Variants in PTPRJ observed in about 807,000 individuals in gnomAD.
The protein encoded by PTPRJ is receptor-type tyrosine-protein phosphatase eta.
In PTPRJ, 129 loss-of-function variants were observed where a neutral mutation model predicts 141.3. The ratio of observed to expected loss-of-function variants is 0.91; its 90% CI spans 0.79 to 1.06. PTPRJ has a LOEUF of 1.06. PTPRJ is among the 50% of genes least tolerant of loss of function. The pLI is 0.00. For missense variants in PTPRJ, 1,601 were observed against 1,679.7 expected (o/e 0.95, Z 0.82); for synonymous variants, 610 against 640.5 (o/e 0.95, Z 0.72).
chr11:48,110,138 G>T (rs370029606), intron 2 of PTPRJ, 62 bp downstream of exon 2: 46 of 1,505,270 alleles, frequency 3.1e-5, no homozygotes, highest in Non-Finnish European at 3.9e-5. Flanking sequence ...TGGACACACA[G>T]CAACATTAAC....
intron 22 of PTPRJ, among the ~76,000 whole-genome samples, chr11:48,160,315 C>G (rs1052777037): frequency 2.6e-5 from 4 of 152,192 alleles, no homozygotes; most frequent in Non-Finnish European, 5.9e-5. Context: ...ATCAGGAACT[C>G]TTTCCTTTCT....
chr11:48,049,156 C>T (rs975010717), intron 1 of PTPRJ, among the ~76,000 whole-genome samples: 1 of 152,096 alleles, frequency 6.6e-6, no homozygotes. Flanking sequence ...TGAGCGCTGT[C>T]CTGTGCATTG....
At chr11:48,155,548 G>A (rs1290301632) in intron 19 of PTPRJ, among the ~76,000 whole-genome samples, 1 of 152,102 alleles carries the variant, frequency 6.6e-6, no homozygotes, top group Non-Finnish European at 1.5e-5. Flanking sequence ...CTGGTGTCAG[G>A]CTGCAGGTTC....
chr11:47,996,334 CAAAAAAA>C (rs1292092161), intron 1 of PTPRJ, among the ~76,000 whole-genome samples: 2 of 56,210 alleles, frequency 3.6e-5, no homozygotes, highest in East Asian at 5.6e-4. Flanking sequence ...GACTCTGTCT[CAAAAAAA>C]AAAAAAAAAA....
intron 1 of PTPRJ, among the ~76,000 whole-genome samples, chr11:48,045,979 A>G (rs1048183781): frequency 4.6e-5 from 7 of 152,048 alleles, no homozygotes; most frequent in African/African-American, 1.7e-4. Flanking sequence ...TGTGCCTTAT[A>G]AGGGGTGACT....
chr11:48,110,141 A>T, intron 2 of PTPRJ, 65 bp downstream of exon 2: 1 of 1,478,602 alleles, frequency 6.8e-7, no homozygotes, highest in South Asian at 1.2e-5. Flanking sequence ...ACACACAGCA[A>T]CATTAACAGC....
At chr11:48,098,761 C>T (rs1462189321) in intron 1 of PTPRJ, among the ~76,000 whole-genome samples, 1 of 16,374 alleles carries the variant, frequency 6.1e-5, no homozygotes, top group African/African-American at 8.9e-5. Context: ...CCTCGTGATC[C>T]GCCCGTCTCG....
At chr11:48,134,673 C>T (rs982693518) in intron 8 of PTPRJ, among the ~76,000 whole-genome samples, 4 of 152,050 alleles carry the variant, frequency 2.6e-5, no homozygotes, top group Admixed American at 6.6e-5. Context: ...CTGGAGGTGA[C>T]GTTTGTTGCC....
intron 1 of PTPRJ, among the ~76,000 whole-genome samples, chr11:48,005,942 C>T (rs151304621): frequency 2.6e-5 from 4 of 152,254 alleles, no homozygotes; most frequent in African/African-American, 7.2e-5. Flanking sequence ...CTGTCCGGCT[C>T]TTAGCCAGCT....
chr11:48,058,600 C>A (rs1236364046), intron 1 of PTPRJ, among the ~76,000 whole-genome samples: 7 of 152,106 alleles, frequency 4.6e-5, no homozygotes, highest in Non-Finnish European at 1.0e-4. Context: ...AAACCCAGAA[C>A]CTTACTACTT....
At chr11:48,115,227 A>G (rs1420192410) in intron 3 of PTPRJ, among the ~76,000 whole-genome samples, 1 of 152,244 alleles carries the variant, frequency 6.6e-6, no homozygotes, top group Non-Finnish European at 1.5e-5. Flanking sequence ...AATCAGAGTC[A>G]ATTCAAACAA....
chr11:48,020,112 C>T (rs938703831), intron 1 of PTPRJ, among the ~76,000 whole-genome samples: 2 of 152,030 alleles, frequency 1.3e-5, no homozygotes, highest in South Asian at 2.1e-4. Flanking sequence ...GAGATCCTGG[C>T]GAGGCTGTAA....
intron 1 of PTPRJ, among the ~76,000 whole-genome samples, chr11:48,043,924 C>A (rs1015950694): frequency 6.6e-6 from 1 of 152,222 alleles, no homozygotes; most frequent in Non-Finnish European, 1.5e-5. Flanking sequence ...TTTGAAACCA[C>A]ACAGGCTGCT....
intron 1 of PTPRJ, among the ~76,000 whole-genome samples, chr11:48,005,200 C>T (rs924408540): frequency 1.3e-5 from 2 of 150,760 alleles, no homozygotes; most frequent in East Asian, 1.9e-4. Context: ...CCAGCCTGGA[C>T]GACAGAGTGA....
chr11:48,012,433 T>C (rs996484718), intron 1 of PTPRJ, among the ~76,000 whole-genome samples: 1 of 152,136 alleles, frequency 6.6e-6, no homozygotes, highest in African/African-American at 2.4e-5. Flanking sequence ...TGCCAAGCCC[T>C]ATGCTAAGCA....
At chr11:48,017,093 G>T (rs1308111461) in intron 1 of PTPRJ, among the ~76,000 whole-genome samples, 2 of 152,056 alleles carry the variant, frequency 1.3e-5, no homozygotes, top group Non-Finnish European at 2.9e-5. Context: ...GAAACAGGGG[G>T]TTCAAAAAAG....
At chr11:48,033,133 G>A (rs1209164950) in intron 1 of PTPRJ, among the ~76,000 whole-genome samples, 1 of 152,084 alleles carries the variant, frequency 6.6e-6, no homozygotes, top group Non-Finnish European at 1.5e-5. Flanking sequence ...GGAATACAGC[G>A]TGTTGAGGGG....
intron 1 of PTPRJ, among the ~76,000 whole-genome samples, chr11:48,023,333 G>A (rs1028684254): frequency 2.0e-5 from 3 of 152,038 alleles, no homozygotes; most frequent in Admixed American, 2.0e-4. Context: ...TAATAATCAC[G>A]ATGAGTTTCC....
intron 11 of PTPRJ, 81 bp from the exon 12 acceptor site, chr11:48,142,837 GT>G: frequency 6.8e-7 from 1 of 1,466,596 alleles, no homozygotes; most frequent in Non-Finnish European, 9.1e-7. Context: ...TCTTGAGGAG[GT>G]TGCTGAAGCA....
Sources: gnomAD v4.1 joint callset for allele counts (sites outside exome capture counted in the v4.1 genomes callset) on GRCh38, gnomAD v4.1.1 for gene constraint, MANE v1.5 for transcripts, NCBI Gene and HGNC (gene_info 2026-07-23, HGNC 2026-07-21) for gene names.